The following MFHAS1 variants were observed in gnomAD, a reference collection of about 807,000 sequenced individuals.
MFHAS1 encodes malignant fibrous histiocytoma-amplified sequence 1.
A neutral mutation model predicts 70.4 loss-of-function variants in MFHAS1; 50 were observed. The ratio of observed to expected loss-of-function variants is 0.71; its 90% CI spans 0.57 to 0.90. MFHAS1 has a LOEUF of 0.90. Ranked by LOEUF, MFHAS1 falls within the 40% of genes least tolerant of loss-of-function variation. The probability of loss-of-function intolerance (pLI) is 0.00; values close to 1 mark genes in which losing one functional copy is unlikely to be tolerated. For missense variants in MFHAS1, 1,795 were observed against 1,347.6 expected (o/e 1.33, Z -5.20); for synonymous variants, 952 against 620.0 (o/e 1.54, Z -7.96).
chr8:8,879,041 T>C (rs574427399), intron 1 of MFHAS1, among the ~76,000 whole-genome samples: 8 of 152,060 alleles, frequency 5.3e-5, no homozygotes, highest in Non-Finnish European at 1.2e-4. Context: ...AGCAAGTCTA[T>C]AAATGACAAA....
intron 1 of MFHAS1, among the ~76,000 whole-genome samples, chr8:8,808,047 T>C (rs569692290): frequency 1.3e-5 from 2 of 152,352 alleles, no homozygotes; most frequent in East Asian, 3.9e-4. Context: ...AGTAGCATGA[T>C]GAAATCTCGA....
chr8:8,806,361 C>G (rs1039910789), intron 1 of MFHAS1, among the ~76,000 whole-genome samples: 8 of 152,098 alleles, frequency 5.3e-5, no homozygotes, highest in African/African-American at 1.9e-4. Context: ...TAACTGGGGG[C>G]CAGAATAAAC....
chr8:8,814,926 G>A (rs949882522), intron 1 of MFHAS1, among the ~76,000 whole-genome samples: 2 of 150,578 alleles, frequency 1.3e-5, no homozygotes, highest in Admixed American at 6.7e-5. Flanking sequence ...ATGGGTAAAC[G>A]TGTGCCATGG....
At chr8:8,835,185 GGAGT>G (rs10540903) in intron 1 of MFHAS1, among the ~76,000 whole-genome samples, 120,132 of 151,508 alleles carry the variant, frequency 0.79, 47,996 homozygotes, top group East Asian at 0.89. Context: ...TGGGGTAATG[GGAGT>G]GAATGCTCTC....
chr8:8,808,325 C>G (rs1033591805), intron 1 of MFHAS1, among the ~76,000 whole-genome samples: 1 of 152,166 alleles, frequency 6.6e-6, no homozygotes, highest in African/African-American at 2.4e-5. Context: ...TGGGAACCCT[C>G]CTCTGCCCAG....
intron 2 of MFHAS1, among the ~76,000 whole-genome samples, chr8:8,789,007 G>C (rs1414879893): frequency 6.6e-6 from 1 of 152,158 alleles, no homozygotes; most frequent in Non-Finnish European, 1.5e-5. Context: ...TTTTCAACAG[G>C]GAGAGATGTG....
At chr8:8,848,538 T>C (rs181826402) in intron 1 of MFHAS1, among the ~76,000 whole-genome samples, 1 of 152,292 alleles carries the variant, frequency 6.6e-6, no homozygotes, top group East Asian at 1.9e-4. Context: ...AAACCCCTGA[T>C]CATTTAACTG....
chr8:8,787,560 C>T (rs1353958294), intron 2 of MFHAS1, among the ~76,000 whole-genome samples: 3 of 152,140 alleles, frequency 2.0e-5, no homozygotes, highest in Non-Finnish European at 4.4e-5. Context: ...CACTCTGCCA[C>T]GAGAATTTTT....
rs767768027 is a variant in MFHAS1, at chr8:8,891,917, G to A, written c.1142C>T (p.Pro381Leu). 1.2e-6 allele frequency: 2 copies of A among 1,610,896 alleles called. No homozygotes were observed. The highest frequency in any genetic ancestry group is 1.1e-5 in the South Asian group (1 of 90,726). ...GATCCCCTTCATGCAGACCTCGTAG[G>A]GGGGCTGGATCAGTGGGTTGTCTTT... ...KIKDNPLIQP[P>L]YEVCMKGIPY... Residue 381 changes from proline to leucine, a missense_variant, in exon 1 of 3, where the codon CCC becomes CTC. By Grantham distance (98) the Pro-to-Leu change is moderately conservative. Transcript: ENST00000276282. The surrounding 1 kb of genome is among the most constrained non-coding windows in gnomAD (Gnocchi z 5.4).
chr8:8,790,187 G>C (rs1805676144), intron 2 of MFHAS1: 1 of 157,134 alleles, frequency 6.4e-6, no homozygotes, highest in Non-Finnish European at 1.4e-5. Flanking sequence ...TGATTCTAGA[G>C]ATGTATAAGG....
intron 1 of MFHAS1, among the ~76,000 whole-genome samples, chr8:8,812,172 G>C (rs986229595): frequency 9.5e-5 from 5 of 52,420 alleles, no homozygotes; most frequent in African/African-American, 2.1e-4. Context: ...GGAGAAGCCC[G>C]TAAGTGTAGT....
intron 1 of MFHAS1, among the ~76,000 whole-genome samples, chr8:8,807,169 G>A (rs4841043): frequency 0.61 from 93,099 of 151,820 alleles, 29,039 homozygotes; most frequent in East Asian, 0.78. Context: ...AAACCACAAG[G>A]GCAGGGACTA....
At chr8:8,852,802 G>C (rs1808296542) in intron 1 of MFHAS1, among the ~76,000 whole-genome samples, 1 of 152,178 alleles carries the variant, frequency 6.6e-6, no homozygotes, top group Non-Finnish European at 1.5e-5. Context: ...GCTGACATCA[G>C]AACAGAGTCC....
At position 8,844,591 on chromosome 8, in the gene MFHAS1, G is replaced by A. The variant is rs565162504; in HGVS notation, c.2998+45470C>T. On this transcript the variant is annotated intron_variant, in intron 1 of 2. Coordinates refer to ENST00000276282, the MANE Select transcript of MFHAS1 (RefSeq NM_004225.3). ...GGGCTGGCTTCTGTCCACCTTCTCG[G>A]GCATAAACGGGAAGCTCCGCAAGGT... is the stretch of plus-strand genomic sequence containing the variant. Among the ~76,000 whole-genome samples the A allele has an allele frequency of 2.0e-5, 3 of 152,248 alleles. No homozygotes were observed. In the South Asian group the frequency reaches 6.2e-4, roughly 32 times the overall value.
chr8:8,785,927 C>A lies in MFHAS1; in HGVS notation c.*95G>T. On this transcript the variant is annotated 3_prime_UTR_variant, in exon 3 of 3. Coordinates refer to ENST00000276282, the MANE Select transcript of MFHAS1 (RefSeq NM_004225.3). ...CGTTGTCACTCAAGTTCACAGAACA[C>A]GCTGGGGTGAGTGCAGAGGGTCTGC... 8.0e-7 allele frequency: 1 copy of A among 1,246,122 alleles called. No homozygotes were observed. Among genetic ancestry groups the A allele is most frequent in the Non-Finnish European group, 1.1e-6 (1 of 870,060 alleles). The allele number at this position is 1,246,122 out of a possible 1,614,324, so 77.2% of individuals were successfully genotyped here. A position where few individuals can be genotyped will look rare whatever the true frequency, so the allele number is the denominator to read the frequency against.
intron 2 of MFHAS1, among the ~76,000 whole-genome samples, chr8:8,788,926 G>C (rs1805638459): frequency 6.6e-6 from 1 of 152,184 alleles, no homozygotes; most frequent in Non-Finnish European, 1.5e-5. Context: ...GGGTCTGATT[G>C]TGCAGGGCCT....
At chr8:8,793,774 C>T (rs765553499) in intron 2 of MFHAS1, among the ~76,000 whole-genome samples, 2 of 152,250 alleles carry the variant, frequency 1.3e-5, no homozygotes, top group East Asian at 3.8e-4. Flanking sequence ...TGGACTGGAA[C>T]TGAACCATCA....
intron 1 of MFHAS1, among the ~76,000 whole-genome samples, chr8:8,823,819 G>T (rs955762856): frequency 1.4e-5 from 2 of 143,062 alleles, no homozygotes; most frequent in African/African-American, 2.6e-5. Flanking sequence ...GCTGAGAAAA[G>T]AAAGAATCTC....
intron 1 of MFHAS1, among the ~76,000 whole-genome samples, chr8:8,888,793 T>C (rs1173463715): frequency 6.6e-6 from 1 of 152,124 alleles, no homozygotes; most frequent in East Asian, 1.9e-4. Context: ...CATTGGACAT[T>C]TGTCCAAACC....
Sources: allele counts gnomAD v4.1 joint callset (sites outside exome capture counted in the v4.1 genomes callset), GRCh38; gene constraint gnomAD v4.1.1; non-coding constraint Gnocchi (gnomAD v3.1); transcripts MANE v1.5; gene names NCBI Gene and HGNC (gene_info 2026-07-23, HGNC 2026-07-21).